NOP2: variants seen among roughly 807,000 people sequenced by gnomAD.
NOP2 encodes 28S rRNA (cytosine(4447)-C(5))-methyltransferase.
A neutral mutation model predicts 72.7 loss-of-function variants in NOP2; 7 were observed. The observed-to-expected ratio is 0.10, with a 90% CI of 0.05 to 0.18. The LOEUF is 0.18. Ranked by LOEUF, NOP2 falls within the 10% of genes least tolerant of loss-of-function variation. NOP2 has a pLI of 1.00. For synonymous variants in NOP2, 387 were observed against 388.0 expected (o/e 1.00, Z 0.03); for missense variants, 954 against 1,014.7 (o/e 0.94, Z 0.81).
chr12:6,558,307 CTG>C (rs1947557703), intron 15 of NOP2, among the ~76,000 whole-genome samples: 1 of 151,810 alleles, frequency 6.6e-6, no homozygotes, highest in South Asian at 2.1e-4. Context: ...GAATCTCACT[CTG>C]TCACCCAGGC....
Position 6,557,011 on chromosome 12 carries a change from G to A in NOP2, c.2421C>T (p.Ser807=). The change falls in exon 16 of 16, where the codon AGC becomes AGT. Residue 807 remains serine (S), a synonymous_variant. Coordinates refer to ENST00000322166, the MANE Select transcript of NOP2 (RefSeq NM_001258308.2). ...CAACCATCTAAGATAGCAGCAGCTG[G>A]CTGTTGCCCCTGGACTGAGATTTCT... ...KRKKSQSRGN[S]QLLLS is the part of the protein sequence containing the mutation. 6.2e-7 allele frequency: 1 copy of A among 1,614,036 alleles called. No individual in the cohort carries two copies. Among genetic ancestry groups the A allele is most frequent in the Admixed American group, 1.7e-5 (1 of 60,008 alleles).
chr12:6,561,986 A>AG lies in NOP2; in HGVS notation c.979-16dup. The AG allele has an allele frequency of 2.0e-6, 3 of 1,537,442 alleles. No individual in the cohort carries two copies. Among genetic ancestry groups the AG allele is most frequent in the Non-Finnish European group, 2.7e-6 (3 of 1,124,980 alleles). ...TTGATTAGAGCCTGAAAAGGGATGA[A>AG]GATTTTTTTTTTTTTTTTTTGAGAT... On this transcript the variant is annotated splice_polypyrimidine_tract_variant and intron_variant, in intron 9 of 15. Coordinates refer to ENST00000322166, the MANE Select transcript of NOP2 (RefSeq NM_001258308.2).
At chr12:6,561,835 G>A in intron 10 of NOP2, 31 bp from the exon 11 acceptor site, 2 of 1,609,236 alleles carry the variant, frequency 1.2e-6, no homozygotes, top group Non-Finnish European at 8.5e-7. Flanking sequence ...GTGACATGCG[G>A]TAGGGACAGG....
In NOP2 at chr12:6,561,032, C is replaced by T. The variant is rs1441280397; in HGVS notation, c.1246G>A (p.Asp416Asn). 1 of 1,613,926 alleles carries T rather than the reference C, an allele frequency of 6.2e-7. No homozygotes were observed. The highest frequency in any genetic ancestry group is 1.3e-5 in the African/African-American group (1 of 74,930). ...MKNTGVILAN[D>N]ANAERLKSVV... is the part of the protein sequence containing the mutation. ...CTCTTGAGCCGCTCAGCATTGGCGT[C>T]ATTGGCAAGGATCACACCCGTGTTC... The change falls in exon 12 of 16, where the codon GAC becomes AAC. Residue 416 changes from aspartate (D) to asparagine (N), a missense_variant. Asp to Asn is a conservative substitution (Grantham distance 23). This residue lies in a region of NOP2 where 187 missense variants were observed against 276.2 expected (regional missense o/e 0.68). Transcript: ENST00000322166.
chr12:6,567,611 A>C, intron 2 of NOP2: 1 of 481,954 alleles, frequency 2.1e-6, no homozygotes, highest in Non-Finnish European at 3.7e-6. Context: ...CCTTGCATGA[A>C]TAATAGTTGT....
rs373801375 is a variant in NOP2, at chr12:6,563,650, G to C, written c.652C>G (p.Pro218Ala). Reference sequence around the variant, plus strand: ...TCCCCAGCAGGGGGCAGCACAAATGGTTCCTCATCCACATTGATCTGCAGG... The same window carrying C: ...TCCCCAGCAGGGGGCAGCACAAATGCTTCCTCATCCACATTGATCTGCAGG... Reference protein sequence around the residue: ...GGLQINVDEEPFVLPPAGEME... With the variant: ...GGLQINVDEEAFVLPPAGEME... Residue 218 changes from proline (P) to alanine (A), a missense_variant, in exon 7 of 16, where the codon CCA becomes GCA. Physicochemically the swap from Pro to Ala is conservative, Grantham distance 27 (BLOSUM62 -1). This residue lies in a region of NOP2 where 498 missense variants were observed against 478.3 expected (regional missense o/e 1.04). Transcript: ENST00000322166. The C allele has an allele frequency of 1.2e-6, 2 of 1,613,404 alleles. No individual in the cohort carries two copies. The highest frequency in any genetic ancestry group is 1.7e-6 in the Non-Finnish European group (2 of 1,179,634).
At position 6,560,927 on chromosome 12, in the gene NOP2, T is replaced by C; in HGVS notation, c.1347+4A>G. ...CCTCAGAAGACACACAGCTCGAGTCTCACCTTGGGGAACTGGCGCCCATCA... is the reference window on the plus strand; with the variant it reads ...CCTCAGAAGACACACAGCTCGAGTCCCACCTTGGGGAACTGGCGCCCATCA... On this transcript the variant is annotated splice_donor_region_variant and intron_variant, in intron 12 of 15. Transcript: ENST00000322166. This position sits in a 1 kb window ranked among gnomAD's most constrained non-coding sequence, Gnocchi z 5.0. The C allele has an allele frequency of 6.2e-7, 1 of 1,613,856 alleles. No homozygotes were observed. Among genetic ancestry groups the C allele is most frequent in the Non-Finnish European group, 8.5e-7 (1 of 1,179,818 alleles).
chr12:6,564,360 T>G, intron 5 of NOP2: 1 of 170,964 alleles, frequency 5.8e-6, no homozygotes, highest in Non-Finnish European at 1.3e-5. Context: ...ACTTTTCCAT[T>G]AAGAAAAAAA....
chr12:6,565,332 T>C (rs780954095), intron 5 of NOP2, among the ~76,000 whole-genome samples: 1 of 150,816 alleles, frequency 6.6e-6, no homozygotes, highest in African/African-American at 2.5e-5. Flanking sequence ...TTTTAAACCA[T>C]TTTTTAACTT....
chr12:6,563,076 C>T lies in NOP2; in HGVS notation c.978+5G>A. The T allele has an allele frequency of 6.3e-7, 1 of 1,576,458 alleles. No homozygotes were observed. On this transcript the variant is annotated splice_donor_5th_base_variant and intron_variant, in intron 9 of 15. Transcript: ENST00000322166. Reference sequence around the variant, plus strand: ...GATGAGTGAGCCTCAAAGGCCACCCCTCACCTGTGCAAGGTCTCGGCGTCG... The same window carrying T: ...GATGAGTGAGCCTCAAAGGCCACCCTTCACCTGTGCAAGGTCTCGGCGTCG...
chr12:6,562,869 C>A (rs1947684299), intron 9 of NOP2, among the ~76,000 whole-genome samples: 1 of 152,192 alleles, frequency 6.6e-6, no homozygotes. Context: ...TCATCCTAGT[C>A]ACAGGGAGCA....
Position 6,567,874 on chromosome 12 carries a change from G to A in NOP2, c.45C>T (p.Gly15=), listed in dbSNP as rs1461131902. ...CACCCTTCTGCTTCCGGGCCTTTCG[G>A]CCTGGCCCCCGCTTCTCCTTCGTAG... ...LDPTKEKRGP[G]RKARKQKGAE... is the part of the protein sequence containing the mutation. The change falls in exon 2 of 16, where the codon GGC becomes GGT. Residue 15 remains glycine (G), a synonymous_variant. Coordinates refer to ENST00000322166, the MANE Select transcript of NOP2 (RefSeq NM_001258308.2). The A allele has an allele frequency of 6.2e-7, 1 of 1,613,914 alleles. No homozygotes were observed. Among genetic ancestry groups the A allele is most frequent in the Non-Finnish European group, 8.5e-7 (1 of 1,179,918 alleles).
chr12:6,567,741 A>G (rs1947818591), intron 2 of NOP2, 75 bp downstream of exon 2: 2 of 1,165,634 alleles, frequency 1.7e-6, no homozygotes, highest in Admixed American at 4.5e-5. Flanking sequence ...ATGAACAGAA[A>G]CTAAAAAAGA....
At chr12:6,557,835 C>T (rs1947534807) in intron 15 of NOP2, among the ~76,000 whole-genome samples, 193 bp from the exon 16 acceptor site, 1 of 152,146 alleles carries the variant, frequency 6.6e-6, no homozygotes, top group Non-Finnish European at 1.5e-5. Context: ...CTAGTTGAAC[C>T]TTGTATTAAA....
In NOP2 at chr12:6,560,504, A is replaced by G. The variant is rs1458305803; in HGVS notation, c.1503T>C (p.Ser501=). 1 of 1,605,808 alleles carries G rather than the reference A, an allele frequency of 6.2e-7. No individual in the cohort carries two copies. The highest frequency in any genetic ancestry group is 8.5e-7 in the Non-Finnish European group (1 of 1,175,130). ...CTCCTGTCTTGGAGGTCGCATTGAC[A>G]GAGTCAATAGCACTCAGGAGCAACT... ...QKELLLSAID[S]VNATSKTGGY... is the part of the protein sequence containing the mutation. The change falls in exon 14 of 16, where the codon TCT becomes TCC. Residue 501 remains serine, a synonymous_variant. Transcript: ENST00000322166. This position sits in a 1 kb window ranked among gnomAD's most constrained non-coding sequence, Gnocchi z 5.0.
rs376904301 is a variant in NOP2 at position 6,560,372 on chromosome 12, G to A, written c.1561-46C>T. On this transcript the variant is annotated intron_variant, in intron 14 of 15. Coordinates refer to ENST00000322166, the MANE Select transcript of NOP2 (RefSeq NM_001258308.2). This position sits in a 1 kb window ranked among gnomAD's most constrained non-coding sequence, Gnocchi z 5.0. ...AAGAACGGAGGAAAAAGCAGAGCTG[G>A]AGCTGAAGGGAGCTCTAAGGGGCAA... The A allele has an allele frequency of 2.7e-5, 44 of 1,605,612 alleles. No homozygotes were observed. Among genetic ancestry groups the A allele is most frequent in the Non-Finnish European group, 3.6e-5 (42 of 1,173,978 alleles).
chr12:6,561,847 A>C, intron 10 of NOP2, 37 bp downstream of exon 10: 1 of 1,609,452 alleles, frequency 6.2e-7, no homozygotes, highest in Non-Finnish European at 8.5e-7. Flanking sequence ...AGGGACAGGG[A>C]CAGAGGTAGA....
At position 6,568,044 on chromosome 12, in the gene NOP2, A is replaced by G. The variant is rs971160253; in HGVS notation, c.-4-122T>C. ...TCAACTCAGCACCCGCAACTCACTCAGCACTCCCGACTCAGCACCCGCGAC... is the reference window on the plus strand; with the variant it reads ...TCAACTCAGCACCCGCAACTCACTCGGCACTCCCGACTCAGCACCCGCGAC... On this transcript the variant is annotated intron_variant, in intron 1 of 15. Transcript: ENST00000322166. 4.5e-5 allele frequency: 31 copies of G among 688,856 alleles called. No individual in the cohort carries two copies. The African/African-American group carries it at 5.0e-4, about 11-fold the overall frequency. The allele number at this position is 688,856 out of a possible 1,614,324, so 42.7% of individuals were successfully genotyped here.
At position 6,561,904 on chromosome 12, in the gene NOP2, T is replaced by C. The variant is rs1947661428; in HGVS notation, c.1046A>G (p.Tyr349Cys). ...CTTACCAATGGGCACAGAAGAATCATACACCACTAGTCCAGTCTTTGACCA... is the reference window on the plus strand; with the variant it reads ...CTTACCAATGGGCACAGAAGAATCACACACCACTAGTCCAGTCTTTGACCA... Reference protein sequence around the residue: ...GKWSKTGLVVYDSSVPIGATP... With the variant: ...GKWSKTGLVVCDSSVPIGATP... Residue 349 changes from tyrosine to cysteine, a missense_variant, in exon 10 of 16, where the codon TAT becomes TGT. Tyr to Cys is a radical substitution (Grantham distance 194). This residue lies in a region of NOP2 where 498 missense variants were observed against 478.3 expected (regional missense o/e 1.04). Coordinates refer to ENST00000322166, the MANE Select transcript of NOP2 (RefSeq NM_001258308.2). 2 of 1,611,836 alleles carry C rather than the reference T, an allele frequency of 1.2e-6. No homozygotes were observed. The highest frequency in any genetic ancestry group is 1.3e-5 in the African/African-American group (1 of 74,870).
Sources: gnomAD v4.1 joint callset for allele counts (sites outside exome capture counted in the v4.1 genomes callset) on GRCh38, gnomAD v4.1.1 for gene constraint, gnomAD v4.1.1 regional missense constraint, Gnocchi (gnomAD v3.1) non-coding constraint, MANE v1.5 for transcripts, NCBI Gene and HGNC (gene_info 2026-07-23, HGNC 2026-07-21) for gene names.